The following GLRA1 variants were observed in gnomAD, a reference collection of about 807,000 sequenced individuals.
GLRA1 encodes glycine receptor alpha 1.
In GLRA1, 37 loss-of-function variants were observed where a neutral mutation model predicts 48.3. The observed-to-expected ratio is 0.77, with a 90% CI of 0.59 to 1.01. The LOEUF (loss-of-function observed/expected upper bound fraction) is 1.01, where lower values mean the gene tolerates loss of function less well. GLRA1 is among the 50% of genes least tolerant of loss of function. The pLI is 0.00. For missense variants in GLRA1, 427 were observed against 571.0 expected (o/e 0.75, Z 2.57); for synonymous variants, 196 against 210.7 (o/e 0.93, Z 0.60).
chr5:151,877,614 G>A (rs550825420), intron 3 of GLRA1, among the ~76,000 whole-genome samples: 9 of 152,340 alleles, frequency 5.9e-5, no homozygotes, highest in African/African-American at 2.2e-4. Context: ...GAATCCCCAT[G>A]TGTTATGGGA....
At chr5:151,837,001 C>A (rs1008043024) in intron 7 of GLRA1, among the ~76,000 whole-genome samples, 5 of 151,932 alleles carry the variant, frequency 3.3e-5, no homozygotes, top group African/African-American at 1.2e-4. Flanking sequence ...CAACAAAAAA[C>A]CAAAAAACTA....
intron 7 of GLRA1, among the ~76,000 whole-genome samples, chr5:151,833,538 G>A (rs549286394): frequency 7.9e-4 from 120 of 152,128 alleles, no homozygotes; most frequent in African/African-American, 2.8e-3. Context: ...ATCTCAGCTC[G>A]CCAAATCCTC....
chr5:151,860,055 C>T, intron 3 of GLRA1, 47 bp from the exon 4 acceptor site: 1 of 1,468,004 alleles, frequency 6.8e-7, no homozygotes, highest in African/African-American at 1.4e-5. Flanking sequence ...GGCCCAAGGA[C>T]ATCAACTTTT....
In GLRA1 at chr5:151,828,880, C is replaced by G; in HGVS notation, c.1059+41G>C. ...ATACTGCTTAGAACTCTTTTGTTTACTAACAGCTGTCCCTCCTTAGGCAGT... is the reference window on the plus strand; with the variant it reads ...ATACTGCTTAGAACTCTTTTGTTTAGTAACAGCTGTCCCTCCTTAGGCAGT... On this transcript the variant is annotated intron_variant, in intron 8 of 8. Transcript: ENST00000274576. The G allele has an allele frequency of 1.3e-6, 2 of 1,592,754 alleles. 1 individual carries two copies. Among genetic ancestry groups the G allele is most frequent in the South Asian group, 2.2e-5 (2 of 89,398 alleles).
intron 1 of GLRA1, among the ~76,000 whole-genome samples, chr5:151,904,425 A>G (rs934435829): frequency 2.0e-5 from 3 of 152,152 alleles, no homozygotes; most frequent in Non-Finnish European, 4.4e-5. Flanking sequence ...TTTGATTTCT[A>G]TCTGTTGCAA....
intron 1 of GLRA1, among the ~76,000 whole-genome samples, chr5:151,909,901 T>C (rs1194457356): frequency 6.6e-6 from 1 of 152,194 alleles, no homozygotes; most frequent in Non-Finnish European, 1.5e-5. Flanking sequence ...TCTAACTTTT[T>C]TTTTTTGTCA....
At chr5:151,853,976 A>G (rs960608663) in intron 6 of GLRA1, among the ~76,000 whole-genome samples, 1 of 152,246 alleles carries the variant, frequency 6.6e-6, no homozygotes, top group African/African-American at 2.4e-5. Flanking sequence ...TTATTTCACA[A>G]TGCATATGTA....
chr5:151,879,841 T>C (rs898192479), intron 3 of GLRA1, among the ~76,000 whole-genome samples: 3 of 152,226 alleles, frequency 2.0e-5, no homozygotes, highest in Admixed American at 1.3e-4. Context: ...CGGAATGATA[T>C]GATTTGGCTG....
chr5:151,869,973 T>A (rs966955895), intron 3 of GLRA1, among the ~76,000 whole-genome samples: 2 of 149,690 alleles, frequency 1.3e-5, no homozygotes, highest in Non-Finnish European at 2.9e-5. Context: ...TTAAAAAAAA[T>A]TTTAAACCAA....
intron 6 of GLRA1, among the ~76,000 whole-genome samples, chr5:151,852,908 T>TA (rs1462850552): frequency 6.6e-5 from 10 of 152,186 alleles, no homozygotes; most frequent in Non-Finnish European, 1.2e-4. Flanking sequence ...TATTCAGCCT[T>TA]AAAAAAGAAG....
intron 7 of GLRA1, among the ~76,000 whole-genome samples, chr5:151,843,643 G>T (rs1340044255): frequency 1.3e-5 from 2 of 152,100 alleles, no homozygotes; most frequent in East Asian, 3.8e-4. Flanking sequence ...GAACAAAATT[G>T]GAGGACTCAC....
intron 1 of GLRA1, among the ~76,000 whole-genome samples, chr5:151,920,407 G>A (rs184405309): frequency 4.1e-4 from 62 of 152,212 alleles, no homozygotes; most frequent in Non-Finnish European, 6.3e-4. Context: ...CCACATGGCC[G>A]TAACCTCTTT....
chr5:151,906,524 G>C (rs1228661840), intron 1 of GLRA1, among the ~76,000 whole-genome samples: 1 of 152,184 alleles, frequency 6.6e-6, no homozygotes, highest in Non-Finnish European at 1.5e-5. Flanking sequence ...TGACCTGTAA[G>C]GAATAATTAA....
At chr5:151,845,557 TA>T (rs1288996365) in intron 7 of GLRA1, among the ~76,000 whole-genome samples, 2 of 152,052 alleles carry the variant, frequency 1.3e-5, no homozygotes, top group East Asian at 1.9e-4. Context: ...TGGCTATAGT[TA>T]AAAAAAACAG....
chr5:151,834,904 T>C (rs1176659367), intron 7 of GLRA1, among the ~76,000 whole-genome samples: 1 of 151,698 alleles, frequency 6.6e-6, no homozygotes, highest in Non-Finnish European at 1.5e-5. Context: ...GGCAGGCGCC[T>C]GTAGTCCCAG....
chr5:151,869,421 C>T (rs1581631772), intron 3 of GLRA1, among the ~76,000 whole-genome samples: 1 of 151,138 alleles, frequency 6.6e-6, no homozygotes, highest in Non-Finnish European at 1.5e-5. Context: ...TATCATATTG[C>T]TAAACTTTTT....
intron 3 of GLRA1, among the ~76,000 whole-genome samples, chr5:151,880,592 A>ACTCT (rs36081655): frequency 4.7e-5 from 7 of 150,336 alleles, no homozygotes; most frequent in Non-Finnish European, 1.0e-4. Context: ...GTCAACACAC[A>ACTCT]CTCTCTCTCT....
At chr5:151,826,548 A>G (rs1763275969) in intron 8 of GLRA1, among the ~76,000 whole-genome samples, 2 of 152,138 alleles carry the variant, frequency 1.3e-5, no homozygotes, top group African/African-American at 2.4e-5. Context: ...GATACCGGTG[A>G]CTTGGCCTTG....
At chr5:151,885,056 G>A (rs1182763495) in intron 3 of GLRA1, among the ~76,000 whole-genome samples, 1 of 152,158 alleles carries the variant, frequency 6.6e-6, no homozygotes, top group East Asian at 1.9e-4. Context: ...ACTTTAGGGA[G>A]TTTCACCAGT....
Sources: gnomAD v4.1 joint callset for allele counts (sites outside exome capture counted in the v4.1 genomes callset) on GRCh38, gnomAD v4.1.1 for gene constraint, MANE v1.5 for transcripts, NCBI Gene and HGNC (gene_info 2026-07-23, HGNC 2026-07-21) for gene names.